COLQ: variants seen among roughly 807,000 people sequenced by gnomAD.
COLQ encodes the protein acetylcholinesterase collagenic tail peptide.
In COLQ, 48 loss-of-function variants were observed where a neutral mutation model predicts 69.0. The ratio of observed to expected loss-of-function variants is 0.70; its 90% CI spans 0.55 to 0.88. COLQ has a LOEUF of 0.88. Among genes scored for constraint, COLQ ranks in the 40% least tolerant of loss-of-function variants. COLQ has a pLI of 0.00. For missense variants in COLQ, 618 were observed against 594.6 expected (o/e 1.04, Z -0.41); for synonymous variants, 217 against 211.2 (o/e 1.03, Z -0.24).
intron 1 of COLQ, chr3:15,498,425 G>T: frequency 7.1e-7 from 1 of 1,403,106 alleles, no homozygotes; most frequent in Non-Finnish European, 9.8e-7. Context: ...TCCTAGTACA[G>T]TCTGCTTTCC....
chr3:15,517,696 C>T (rs1334406198), intron 1 of COLQ, among the ~76,000 whole-genome samples: 1 of 152,108 alleles, frequency 6.6e-6, no homozygotes, highest in Non-Finnish European at 1.5e-5. Flanking sequence ...TTATTACCCA[C>T]CAATGGTTAA....
At chr3:15,490,225 C>G (rs929279366) in intron 1 of COLQ, among the ~76,000 whole-genome samples, 2 of 152,154 alleles carry the variant, frequency 1.3e-5, no homozygotes, top group Non-Finnish European at 2.9e-5. Context: ...AAGGGAGGGC[C>G]CTGAACCTTT....
intron 2 of COLQ, 90 bp from the exon 3 acceptor site, chr3:15,488,397 G>A: frequency 2.8e-6 from 3 of 1,082,672 alleles, no homozygotes; most frequent in African/African-American, 1.5e-5. Flanking sequence ...TCCGGGATCA[G>A]GTCTCTAAGC....
intron 8 of COLQ, 36 bp downstream of exon 8, chr3:15,474,889 C>A: frequency 6.2e-7 from 1 of 1,612,500 alleles, no homozygotes; most frequent in Non-Finnish European, 8.5e-7. Flanking sequence ...GTAGCCCAGA[C>A]CAGGCTCTAG....
chr3:15,456,830 C>CT (rs1376061666), intron 13 of COLQ, among the ~76,000 whole-genome samples: 22 of 52,286 alleles, frequency 4.2e-4, no homozygotes, highest in African/African-American at 1.1e-3. Flanking sequence ...TTCTTTTTTT[C>CT]TTTTGTTTTT....
intron 11 of COLQ, among the ~76,000 whole-genome samples, chr3:15,468,324 T>TG: frequency 1.9e-5 from 1 of 52,094 alleles, no homozygotes; most frequent in African/African-American, 6.6e-5. Context: ...TACTGAAGTT[T>TG]TTTTTTTTTT....
intron 10 of COLQ, among the ~76,000 whole-genome samples, chr3:15,470,910 T>C (rs1265566880): frequency 6.6e-6 from 1 of 152,190 alleles, no homozygotes; most frequent in African/African-American, 2.4e-5. Flanking sequence ...AGACAAATCA[T>C]CACCCAGAAC....
intron 1 of COLQ, among the ~76,000 whole-genome samples, chr3:15,517,679 C>T (rs776894964): frequency 5.9e-5 from 9 of 152,120 alleles, no homozygotes; most frequent in Non-Finnish European, 1.2e-4. Flanking sequence ...CCAAGTGTCA[C>T]GGTGGTTTAT....
rs56934790 is a variant in COLQ, at chr3:15,498,649, G to T, written c.107-9012C>A. The T allele has an allele frequency of 4.5e-6, 7 of 1,551,036 alleles. No individual in the cohort carries two copies. In the East Asian group the frequency reaches 1.7e-4, roughly 38 times the overall value. On this transcript the variant is annotated intron_variant, in intron 1 of 16. Transcript: ENST00000383788. ...ACTAGCCGGAGACAGGCTGAGATTC[G>T]TCACGCCTCTGAGTGCTCCCAGTGC...
intron 1 of COLQ, among the ~76,000 whole-genome samples, chr3:15,501,863 C>T (rs1280453482): frequency 6.6e-6 from 1 of 152,200 alleles, no homozygotes; most frequent in Non-Finnish European, 1.5e-5. Flanking sequence ...TGCTTCTTGG[C>T]TATAATTCCC....
intron 1 of COLQ, among the ~76,000 whole-genome samples, chr3:15,501,824 T>C (rs994079903): frequency 1.3e-5 from 2 of 152,216 alleles, no homozygotes; most frequent in Non-Finnish European, 2.9e-5. Context: ...CTCCTCTTAC[T>C]AGTTTTTAAT....
chr3:15,508,835 A>C (rs2062944926), intron 1 of COLQ, among the ~76,000 whole-genome samples: 1 of 151,518 alleles, frequency 6.6e-6, no homozygotes, highest in South Asian at 2.1e-4. Flanking sequence ...ATTGTATATA[A>C]TTTTAATTAT....
intron 1 of COLQ, among the ~76,000 whole-genome samples, chr3:15,510,356 G>A (rs560505330): frequency 1.2e-4 from 18 of 152,008 alleles, no homozygotes; most frequent in Non-Finnish European, 1.2e-4. Context: ...CCTCATCACC[G>A]TCTAAAATGG....
At chr3:15,481,781 C>T (rs1478895470) in intron 3 of COLQ, among the ~76,000 whole-genome samples, 49 of 152,206 alleles carry the variant, frequency 3.2e-4, no homozygotes, top group Admixed American at 5.2e-4. Context: ...GGGGATGGCA[C>T]TGAATCTATA....
Position 15,496,202 on chromosome 3 carries a change from G to C in COLQ, c.107-6565C>G, listed in dbSNP as rs1392215967. The stretch of plus-strand genomic sequence containing the variant: ...TCTGGCTGAGGCTTCTGCATTGTTC[G>C]GCTCCCCCACCCCATCCCCCTCACC... On this transcript the variant is annotated intron_variant, in intron 1 of 16. Coordinates refer to ENST00000383788, the MANE Select transcript of COLQ (RefSeq NM_005677.4). The C allele has an allele frequency of 2.0e-5, 3 of 152,834 alleles. No individual in the cohort carries two copies. In the Admixed American group the frequency reaches 2.0e-4, roughly 10 times the overall value. The allele number at this position is 152,834 out of a possible 1,614,324, so 9.5% of individuals were successfully genotyped here.
rs910991612 is a variant in COLQ at position 15,489,525 on chromosome 3, C to T, written c.219G>A (p.Pro73=). ...PPPFFRGGRS[P]LLSPDMKNLM... The stretch of plus-strand genomic sequence containing the variant: ...CTCTCATAAATCCCAAAGTACTCAC[C>T]GGACTTCGGCCACCTCTGAAGAATG... The change falls in exon 2 of 17, where the codon CCG becomes CCA. Residue 73 remains proline, a splice_region_variant and synonymous_variant. Transcript: ENST00000383788. 2.1e-5 allele frequency: 34 copies of T among 1,613,954 alleles called. No individual in the cohort carries two copies. Among genetic ancestry groups the T allele is most frequent in the African/African-American group, 2.7e-5 (2 of 74,908 alleles).
At chr3:15,474,615 G>C (rs1322529474) in intron 8 of COLQ, among the ~76,000 whole-genome samples, 2 of 152,228 alleles carry the variant, frequency 1.3e-5, no homozygotes, top group Admixed American at 1.3e-4. Context: ...CTAAAGACAT[G>C]CATCACCAAT....
At chr3:15,480,737 G>T (rs968402984) in intron 3 of COLQ, among the ~76,000 whole-genome samples, 6 of 152,164 alleles carry the variant, frequency 3.9e-5, no homozygotes, top group African/African-American at 1.4e-4. Flanking sequence ...TCTAGTTCTA[G>T]ATCCTTGAGG....
intron 1 of COLQ, among the ~76,000 whole-genome samples, chr3:15,499,277 C>T (rs1183529988): frequency 6.6e-6 from 1 of 152,186 alleles, no homozygotes; most frequent in Non-Finnish European, 1.5e-5. Flanking sequence ...TAGGCACACC[C>T]AGTGCACAAG....
Sources: allele counts gnomAD v4.1 joint callset (sites outside exome capture counted in the v4.1 genomes callset), GRCh38; gene constraint gnomAD v4.1.1; transcripts MANE v1.5; gene names NCBI Gene and HGNC (gene_info 2026-07-23, HGNC 2026-07-21).